The following KCND2 variants were observed in gnomAD, a reference collection of about 807,000 sequenced individuals.
The protein encoded by KCND2 is potassium voltage-gated channel subfamily D member 2.
Under a neutral mutation model 54.4 loss-of-function variants are expected in KCND2, and 16 were observed. The ratio of observed to expected loss-of-function variants is 0.29; its 90% CI spans 0.20 to 0.45. The LOEUF (loss-of-function observed/expected upper bound fraction) is 0.45, where lower values mean the gene tolerates loss of function less well. KCND2 is among the 20% of genes least tolerant of loss of function. The pLI, the probability that KCND2 is intolerant of heterozygous loss-of-function variation, is 1.00. For missense variants in KCND2, 486 were observed against 824.2 expected (o/e 0.59, Z 5.02); for synonymous variants, 317 against 310.7 (o/e 1.02, Z -0.21).
rs78200533 is a variant in KCND2, at chr7:120,435,013, A to G, written c.1115+159266A>G. 3.3e-5 allele frequency among the ~76,000 whole-genome samples: 5 copies of G among 152,272 alleles called. No homozygotes were observed. The East Asian group carries it at 9.6e-4, about 29-fold the overall frequency. On this transcript the variant is annotated intron_variant, in intron 1 of 5. Transcript: ENST00000331113. ...ATTTTCATGGTAGAAAACTATTCCT[A>G]TGTAATCTGTAGGAGGAAAATATAA...
chr7:120,406,466 G>A (rs1801360340), intron 1 of KCND2, among the ~76,000 whole-genome samples: 1 of 151,988 alleles, frequency 6.6e-6, no homozygotes, highest in African/African-American at 2.4e-5. Context: ...GCCCTGGGTA[G>A]ACATGGGGAG....
chr7:120,716,288 C>T (rs1792601983), intron 1 of KCND2, among the ~76,000 whole-genome samples: 1 of 151,796 alleles, frequency 6.6e-6, no homozygotes, highest in African/African-American at 2.4e-5. Flanking sequence ...ATAAAAATTG[C>T]TTTTTCTGAT....
At chr7:120,389,695 ATTG>A (rs1801044337) in intron 1 of KCND2, among the ~76,000 whole-genome samples, 1 of 151,902 alleles carries the variant, frequency 6.6e-6, no homozygotes, top group African/African-American at 2.4e-5. Flanking sequence ...ATATTACAGT[ATTG>A]TTATATTTAA....
At chr7:120,551,882 T>C (rs1191518315) in intron 1 of KCND2, among the ~76,000 whole-genome samples, 5 of 152,178 alleles carry the variant, frequency 3.3e-5, no homozygotes, top group African/African-American at 9.6e-5. Context: ...CCTTTGCCTC[T>C]AGTAGCCTCT....
At chr7:120,379,970 AGTTT>A (rs371597302) in intron 1 of KCND2, among the ~76,000 whole-genome samples, 5 of 152,044 alleles carry the variant, frequency 3.3e-5, no homozygotes, top group Non-Finnish European at 5.9e-5. Flanking sequence ...TAGGCTTTGG[AGTTT>A]GTTTGTTACT....
At chr7:120,707,594 A>G (rs1464061492) in intron 1 of KCND2, among the ~76,000 whole-genome samples, 1 of 152,186 alleles carries the variant, frequency 6.6e-6, no homozygotes, top group Non-Finnish European at 1.5e-5. Context: ...AAGTATGTAT[A>G]TGCACGGTGA....
intron 1 of KCND2, among the ~76,000 whole-genome samples, chr7:120,705,933 T>G (rs1314544270): frequency 6.6e-6 from 1 of 152,104 alleles, no homozygotes; most frequent in African/African-American, 2.4e-5. Context: ...CCCAGCTCCC[T>G]GAACTCCTTT....
chr7:120,331,684 A>G (rs1283318046), intron 1 of KCND2, among the ~76,000 whole-genome samples: 3 of 152,074 alleles, frequency 2.0e-5, no homozygotes, highest in Admixed American at 6.6e-5. Context: ...ATAAACTAAT[A>G]TCTATACTTT....
chr7:120,648,797 C>G (rs1791668869), intron 1 of KCND2, among the ~76,000 whole-genome samples: 2 of 152,222 alleles, frequency 1.3e-5, no homozygotes, highest in Admixed American at 1.3e-4. Flanking sequence ...CACCTTTGTA[C>G]TTCAACTGAA....
At chr7:120,279,807 A>T (rs1799236363) in intron 1 of KCND2, among the ~76,000 whole-genome samples, 1 of 151,930 alleles carries the variant, frequency 6.6e-6, no homozygotes, top group South Asian at 2.1e-4. Flanking sequence ...CATATATATG[A>T]TCATATCTAT....
intron 1 of KCND2, among the ~76,000 whole-genome samples, chr7:120,413,851 T>G (rs1801486173): frequency 6.6e-6 from 1 of 151,976 alleles, no homozygotes; most frequent in Admixed American, 6.6e-5. Context: ...CTTAGATGAA[T>G]CAATGTTTCC....
At chr7:120,571,957 G>A (rs1304529697) in intron 1 of KCND2, among the ~76,000 whole-genome samples, 2 of 152,194 alleles carry the variant, frequency 1.3e-5, no homozygotes, top group Admixed American at 6.5e-5. Flanking sequence ...GACAGACAGT[G>A]TAACAACAGT....
chr7:120,458,663 C>T (rs1802237287), intron 1 of KCND2, among the ~76,000 whole-genome samples: 1 of 152,006 alleles, frequency 6.6e-6, no homozygotes, highest in African/African-American at 2.4e-5. Context: ...AAATACATGC[C>T]AGAATTATTT....
rs1793051550 is a variant in KCND2, at chr7:120,749,953, A to T, written c.*2095A>T. On this transcript the variant is annotated 3_prime_UTR_variant, in exon 6 of 6. Coordinates refer to ENST00000331113, the MANE Select transcript of KCND2 (RefSeq NM_012281.3). ...TGAGAAGTTCTATTTTCATGTTCTT[A>T]ATATTACATACAAGAAAATGCAGTT... 1 of 151,964 alleles carries T rather than the reference A, an allele frequency of 6.6e-6. No homozygotes were observed. The highest frequency in any genetic ancestry group is 1.5e-5 in the Non-Finnish European group (1 of 67,870). 9.4% of individuals were successfully genotyped at this position (151,964 alleles called of 1,614,324 possible).
intron 1 of KCND2, among the ~76,000 whole-genome samples, chr7:120,298,613 A>G (rs1799542894): frequency 6.6e-6 from 1 of 152,198 alleles, no homozygotes; most frequent in African/African-American, 2.4e-5. Flanking sequence ...TTCTATGATA[A>G]GAACATTGAT....
intron 1 of KCND2, among the ~76,000 whole-genome samples, chr7:120,653,989 A>G (rs1358177945): frequency 6.6e-6 from 1 of 152,216 alleles, no homozygotes; most frequent in Non-Finnish European, 1.5e-5. Flanking sequence ...CTCTCTACCC[A>G]GCTTTAAATT....
chr7:120,394,248 G>A (rs182109419), intron 1 of KCND2, among the ~76,000 whole-genome samples: 127 of 152,032 alleles, frequency 8.4e-4, no homozygotes, highest in Non-Finnish European at 1.6e-3. Flanking sequence ...AGTTTGGTGG[G>A]TAGAAAACTA....
At chr7:120,565,825 G>A (rs1792289737) in intron 1 of KCND2, among the ~76,000 whole-genome samples, 1 of 152,210 alleles carries the variant, frequency 6.6e-6, no homozygotes, top group Non-Finnish European at 1.5e-5. Context: ...GGAAATACAA[G>A]TATGAATCAT....
At chr7:120,583,134 G>A (rs998814429) in intron 1 of KCND2, among the ~76,000 whole-genome samples, 2 of 152,004 alleles carry the variant, frequency 1.3e-5, no homozygotes, top group African/African-American at 2.4e-5. Flanking sequence ...CGAGGTTAGT[G>A]GATAAGTACT....
Sources: gnomAD v4.1 joint callset for allele counts (sites outside exome capture counted in the v4.1 genomes callset) on GRCh38, gnomAD v4.1.1 for gene constraint, MANE v1.5 for transcripts, NCBI Gene and HGNC (gene_info 2026-07-23, HGNC 2026-07-21) for gene names.